NFYC: variants seen among roughly 807,000 people sequenced by gnomAD.
NFYC encodes nuclear transcription factor Y subunit gamma.
NFYC carries 25 observed loss-of-function variants against 53.1 expected under a neutral mutation model. That is an observed-to-expected ratio of 0.47 (90% confidence interval 0.34 to 0.66). NFYC has a LOEUF of 0.66. Ranked by LOEUF, NFYC falls within the 30% of genes least tolerant of loss-of-function variation. NFYC has a pLI of 0.01. For missense variants in NFYC, 260 were observed against 422.7 expected, an observed-to-expected ratio of 0.62 and a Z score of 3.38; for synonymous variants, 145 against 152.6, an observed-to-expected ratio of 0.95 and a Z score of 0.37.
intron 4 of NFYC, among the ~76,000 whole-genome samples, chr1:40,750,602 A>G (rs1645860490): frequency 6.8e-6 from 1 of 146,112 alleles, no homozygotes; most frequent in African/African-American, 2.5e-5. Context: ...CAAAAAAAGC[A>G]AAAAATACTG....
intron 1 of NFYC, among the ~76,000 whole-genome samples, chr1:40,715,701 TCTA>T (rs1268496592): frequency 2.0e-5 from 3 of 152,238 alleles, no homozygotes; most frequent in South Asian, 2.1e-4. Flanking sequence ...AAAGTTTTTC[TCTA>T]CTTATAGTAT....
intron 1 of NFYC, among the ~76,000 whole-genome samples, chr1:40,695,103 G>C (rs916577068): frequency 6.6e-6 from 1 of 152,076 alleles, no homozygotes; most frequent in Non-Finnish European, 1.5e-5. Context: ...GCCTGGCATG[G>C]TGGTGGGCGC....
chr1:40,737,127 C>CAAAA (rs1161900883), intron 1 of NFYC, among the ~76,000 whole-genome samples: 2 of 88,804 alleles, frequency 2.3e-5, no homozygotes, highest in Non-Finnish European at 4.3e-5. Context: ...AACTCTGTCT[C>CAAAA]AAAAAAAAAA....
intron 8 of NFYC, 95 bp downstream of exon 8, chr1:40,766,798 C>T (rs762184397): frequency 5.8e-5 from 87 of 1,489,994 alleles, no homozygotes; most frequent in Non-Finnish European, 7.6e-5. Context: ...GTCTTGCCAC[C>T]TCATCCTTCA....
intron 8 of NFYC, chr1:40,767,146 C>A: frequency 1.6e-6 from 1 of 636,010 alleles, no homozygotes; most frequent in East Asian, 2.9e-5. Context: ...AAAAATTGCC[C>A]TTCTCCTCTC....
At chr1:40,732,190 G>A (rs1164608578) in intron 1 of NFYC, among the ~76,000 whole-genome samples, 1 of 152,138 alleles carries the variant, frequency 6.6e-6, no homozygotes, top group African/African-American at 2.4e-5. Context: ...CTGTATTGTG[G>A]GTTTAGGCTA....
At chr1:40,703,131 T>G (rs1221020030) in intron 1 of NFYC, among the ~76,000 whole-genome samples, 2 of 152,154 alleles carry the variant, frequency 1.3e-5, no homozygotes, top group African/African-American at 4.8e-5. Flanking sequence ...TTTTGTTTTT[T>G]TTAAAACTTG....
chr1:40,722,946 G>A (rs144274088), intron 1 of NFYC, among the ~76,000 whole-genome samples: 58 of 152,286 alleles, frequency 3.8e-4, no homozygotes, highest in Non-Finnish European at 5.9e-4. Flanking sequence ...GTGGGAAAGA[G>A]CAAGTTATAA....
intron 1 of NFYC, chr1:40,735,755 G>T (rs1644993794): frequency 3.0e-6 from 3 of 985,032 alleles, no homozygotes; most frequent in Non-Finnish European, 2.4e-6. Flanking sequence ...TAAAAGGTTA[G>T]ATTCTTTTAA....
chr1:40,715,091 A>AATAG (rs1022031875), intron 1 of NFYC, among the ~76,000 whole-genome samples: 2 of 71,308 alleles, frequency 2.8e-5, no homozygotes, highest in African/African-American at 7.3e-5. Flanking sequence ...CAAAACAATA[A>AATAG]ATAAATAAAT....
chr1:40,753,274 G>GCTGA (rs1354905415), intron 5 of NFYC, 28 bp downstream of exon 5: 3 of 1,523,532 alleles, frequency 2.0e-6, no homozygotes, highest in Non-Finnish European at 2.7e-6. Flanking sequence ...TGCAGTTGCT[G>GCTGA]CTGACTGAAG....
chr1:40,714,763 G>A (rs1042410811), intron 1 of NFYC, among the ~76,000 whole-genome samples: 1 of 152,002 alleles, frequency 6.6e-6, no homozygotes, highest in African/African-American at 2.4e-5. Flanking sequence ...ACAGATGCAC[G>A]CTACTAGGCC....
Position 40,726,556 on chromosome 1 carries a change from C to T in NFYC, c.-8-12280C>T, listed in dbSNP as rs955449062. On this transcript the variant is annotated intron_variant, in intron 1 of 9. Coordinates refer to ENST00000447388, the MANE Select transcript of NFYC (RefSeq NM_014223.5). ...TCCCAAGTAGCTGGGACTACAGACA[C>T]GTGCCACCACACCCAGCTGATTTTT... is the stretch of plus-strand genomic sequence containing the variant. Among the ~76,000 whole-genome samples the T allele has an allele frequency of 5.9e-5, 9 of 152,208 alleles. No individual in the cohort carries two copies. In the East Asian group the frequency reaches 1.5e-3, roughly 26 times the overall value.
intron 1 of NFYC, among the ~76,000 whole-genome samples, chr1:40,703,658 T>C (rs904043818): frequency 2.0e-5 from 3 of 152,128 alleles, no homozygotes; most frequent in African/African-American, 7.2e-5. Context: ...CGGATTTGAT[T>C]TATATCTTTA....
rs1242393228 is a variant in NFYC at position 40,691,741 on chromosome 1, T to TTC, written c.-134_-133dup. 1 of 455,546 alleles carries TTC rather than the reference T, an allele frequency of 2.2e-6. No individual in the cohort carries two copies. The highest frequency in any genetic ancestry group is 2.4e-5 in the Admixed American group (1 of 42,484). 28.2% of individuals were successfully genotyped at this position (455,546 alleles called of 1,614,324 possible). A position where few individuals can be genotyped will look rare whatever the true frequency, so the allele number is the denominator to read the frequency against. On this transcript the variant is annotated 5_prime_UTR_variant, in exon 1 of 10. Coordinates refer to ENST00000447388, the MANE Select transcript of NFYC (RefSeq NM_014223.5). Reference sequence around the variant, plus strand: ...GCCGCCATCTTGCTTGTGCCCCCGCTTCGCGCGCGCTCCGTTCTCCGTGAC... The same window carrying TTC: ...GCCGCCATCTTGCTTGTGCCCCCGCTTCTCGCGCGCGCTCCGTTCTCCGTGAC...
intron 1 of NFYC, among the ~76,000 whole-genome samples, chr1:40,701,247 C>T (rs1201449595): frequency 6.6e-6 from 1 of 152,104 alleles, no homozygotes; most frequent in Non-Finnish European, 1.5e-5. Context: ...TCCTGAGTAG[C>T]TGGGATTACA....
intron 4 of NFYC, 67 bp from the exon 5 acceptor site, chr1:40,753,084 G>A: frequency 8.6e-7 from 1 of 1,159,780 alleles, no homozygotes; most frequent in Admixed American, 1.8e-5. Context: ...CTTACTTGGA[G>A]GGTATAAAGC....
intron 4 of NFYC, among the ~76,000 whole-genome samples, chr1:40,752,503 C>A (rs1009951273): frequency 1.1e-4 from 17 of 152,210 alleles, no homozygotes; most frequent in Non-Finnish European, 1.6e-4. Flanking sequence ...GTATCATTAG[C>A]CTTCTGACTC....
intron 8 of NFYC, chr1:40,767,135 G>C (rs536569687): frequency 1.3e-5 from 9 of 675,392 alleles, no homozygotes; most frequent in South Asian, 1.0e-4. Context: ...TCCCTAACCA[G>C]AAAAATTGCC....
Sources: gnomAD v4.1 joint callset for allele counts (sites outside exome capture counted in the v4.1 genomes callset) on GRCh38, gnomAD v4.1.1 for gene constraint, MANE v1.5 for transcripts, NCBI Gene and HGNC (gene_info 2026-07-23, HGNC 2026-07-21) for gene names.